The following UPP2 variants were observed in gnomAD, a reference collection of about 807,000 sequenced individuals.
UPP2 encodes UPase 2.
UPP2 carries 23 observed loss-of-function variants against 26.7 expected under a neutral mutation model. The ratio of observed to expected loss-of-function variants is 0.86; its 90% CI spans 0.62 to 1.22. The LOEUF is 1.22. Among genes scored for constraint, UPP2 ranks in the 50% most tolerant of loss-of-function variants. UPP2 has a pLI of 0.00. For missense variants in UPP2, 387 were observed against 396.7 expected (o/e 0.98, Z 0.21); for synonymous variants, 127 against 141.3 (o/e 0.90, Z 0.72).
At chr2:158,033,700 T>C (rs2105158442) in intron 3 of UPP2, among the ~76,000 whole-genome samples, 1 of 152,302 alleles carries the variant, frequency 6.6e-6, no homozygotes, top group Middle Eastern at 3.4e-3. Flanking sequence ...ATTAAAGGGG[T>C]TCCACAAGCC....
At position 158,094,312 on chromosome 2, in the gene UPP2, T is replaced by C. The variant is rs370957049; in HGVS notation, c.148-7728T>C. Among the ~76,000 whole-genome samples, 4 of 152,074 alleles carry C rather than the reference T, an allele frequency of 2.6e-5. No homozygotes were observed. In the South Asian group the frequency reaches 8.3e-4, roughly 31 times the overall value. ...TTTGGGTAGTAACTACACAGGCATCTAATATATCTGTACCTTTATGTTTAA... is the reference window on the plus strand; with the variant it reads ...TTTGGGTAGTAACTACACAGGCATCCAATATATCTGTACCTTTATGTTTAA... On this transcript the variant is annotated intron_variant, in intron 3 of 9. Coordinates refer to the UPP2 transcript ENST00000605860.
At chr2:158,024,928 G>A (rs1340859942) in intron 3 of UPP2, among the ~76,000 whole-genome samples, 2 of 152,176 alleles carry the variant, frequency 1.3e-5, no homozygotes, top group South Asian at 2.1e-4. Flanking sequence ...AGGGCCAGGT[G>A]CAGTGGCTCA....
intron 3 of UPP2, among the ~76,000 whole-genome samples, chr2:158,032,003 G>A (rs937004551): frequency 2.0e-5 from 3 of 152,136 alleles, no homozygotes; most frequent in East Asian, 1.9e-4. Context: ...CCTCTGGGTG[G>A]CAACTTTCAT....
intron 2 of UPP2, among the ~76,000 whole-genome samples, chr2:158,109,909 C>T (rs1360100989): frequency 2.6e-5 from 4 of 151,992 alleles, no homozygotes; most frequent in African/African-American, 4.8e-5. Flanking sequence ...ATAGTTTGAA[C>T]TGAGGAAAAA....
chr2:158,071,550 CAAAAAAAAAAA>C (rs56926948), intron 3 of UPP2, among the ~76,000 whole-genome samples: 6 of 65,472 alleles, frequency 9.2e-5, no homozygotes, highest in African/African-American at 1.8e-4. Context: ...GATTCTGTCT[CAAAAAAAAAAA>C]AAAAAAAAAA....
At chr2:158,034,196 C>T (rs1357389471) in intron 3 of UPP2, among the ~76,000 whole-genome samples, 1 of 152,150 alleles carries the variant, frequency 6.6e-6, no homozygotes, top group African/African-American at 2.4e-5. Flanking sequence ...CATGGTGTTC[C>T]TTCCTGCATG....
At chr2:158,099,832 C>T (rs1358980466), upstream of UPP2, among the ~76,000 whole-genome samples, 1 of 152,170 alleles carries the variant, frequency 6.6e-6, no homozygotes, top group Non-Finnish European at 1.5e-5. Context: ...AGTGTTTTGT[C>T]TCAGGCAAGA....
intron 3 of UPP2, among the ~76,000 whole-genome samples, chr2:158,066,630 C>CTTT (rs3046317): frequency 0.38 from 55,022 of 145,856 alleles, 10,892 homozygotes; most frequent in Non-Finnish European, 0.45. Context: ...ACCATTGATT[C>CTTT]TTTTTTTTTT....
intron 3 of UPP2, among the ~76,000 whole-genome samples, chr2:158,046,884 T>G (rs770305072): frequency 9.9e-5 from 15 of 152,206 alleles, no homozygotes; most frequent in Non-Finnish European, 1.8e-4. Context: ...AATTTTATTT[T>G]TATAACTACT....
intron 3 of UPP2, among the ~76,000 whole-genome samples, chr2:158,068,791 TATATATA>T (rs1682483958): frequency 1.2e-4 from 2 of 16,680 alleles, no homozygotes; most frequent in African/African-American, 4.8e-4. Context: ...TATATATATA[TATATATA>T]TATATTTTTT....
intron 3 of UPP2, among the ~76,000 whole-genome samples, chr2:158,116,573 C>T (rs1683435711): frequency 1.3e-5 from 2 of 152,160 alleles, no homozygotes; most frequent in Admixed American, 6.6e-5. Context: ...AATTCTTCCT[C>T]TCCAGTAGTG....
intron 2 of UPP2, among the ~76,000 whole-genome samples, chr2:158,107,092 A>G (rs543671772): frequency 1.0e-3 from 157 of 152,354 alleles, no homozygotes; most frequent in Non-Finnish European, 1.9e-3. Context: ...ATAAACAGGA[A>G]TCAAATGAAT....
intron 3 of UPP2, among the ~76,000 whole-genome samples, chr2:158,083,547 G>A (rs1460137425): frequency 6.6e-6 from 1 of 151,930 alleles, no homozygotes; most frequent in Non-Finnish European, 1.5e-5. Flanking sequence ...ACACACCAGG[G>A]CCCGTTGGGG....
rs181202470 is a variant in UPP2 at position 158,115,044 on chromosome 2, G to A, written c.181-57G>A. ...AAATAAAAACATTAGAGTTGAAACT[G>A]ACCCGTGGTTCTTATCCCAGTTACT... On this transcript the variant is annotated intron_variant, in intron 2 of 6. Coordinates refer to ENST00000005756, the MANE Select transcript of UPP2 (RefSeq NM_173355.4). The A allele has an allele frequency of 1.6e-3, 2,442 of 1,489,644 alleles. 13 individuals carry two copies. Among genetic ancestry groups the A allele is most frequent in the African/African-American group, 3.3e-3 (234 of 70,912 alleles). The allele number at this position is 1,489,644 out of a possible 1,614,324, so 92.3% of individuals were successfully genotyped here. A position where few individuals can be genotyped will look rare whatever the true frequency, so the allele number is the denominator to read the frequency against.
chr2:158,051,155 A>ATGTGTG, intron 3 of UPP2, among the ~76,000 whole-genome samples: 1 of 94,186 alleles, frequency 1.1e-5, no homozygotes. Context: ...CACTCTAGGA[A>ATGTGTG]TATGTGTGTG....
chr2:158,065,859 G>T, intron 3 of UPP2: 2 of 658,406 alleles, frequency 3.0e-6, no homozygotes, highest in South Asian at 3.2e-5. Flanking sequence ...TCATTGCATT[G>T]CAGGCCTTGG....
chr2:158,016,364 G>A (rs1301631978), intron 3 of UPP2, among the ~76,000 whole-genome samples: 1 of 151,334 alleles, frequency 6.6e-6, no homozygotes, highest in Non-Finnish European at 1.5e-5. Flanking sequence ...TTTTGAGACA[G>A]AATTTCGCTC....
intron 3 of UPP2, among the ~76,000 whole-genome samples, chr2:158,057,221 ACT>A (rs1369130554): frequency 6.6e-6 from 1 of 151,978 alleles, no homozygotes; most frequent in Non-Finnish European, 1.5e-5. Flanking sequence ...CTGTAAAGTT[ACT>A]CTTTTTTCTC....
At position 158,121,504 on chromosome 2, in the gene UPP2, C is replaced by A. The variant is rs766435350; in HGVS notation, c.550C>A (p.Arg184=). The A allele has an allele frequency of 1.2e-6, 2 of 1,613,350 alleles. No homozygotes were observed. Among genetic ancestry groups the A allele is most frequent in the East Asian group, 4.5e-5 (2 of 44,854 alleles). The change falls in exon 5 of 7, where the codon CGA becomes AGA. Residue 184 remains arginine, a synonymous_variant. Transcript: ENST00000005756. ...EQVILDNIVT[R]STELDKELSE... Reference sequence around the variant, plus strand: ...GGTCATTTTGGACAACATTGTCACCCGAAGTACTGAACTGGACAAAGAACT... The same window carrying A: ...GGTCATTTTGGACAACATTGTCACCAGAAGTACTGAACTGGACAAAGAACT...
Sources: gnomAD v4.1 joint callset for allele counts (sites outside exome capture counted in the v4.1 genomes callset) on GRCh38, gnomAD v4.1.1 for gene constraint, MANE v1.5 for transcripts, NCBI Gene and HGNC (gene_info 2026-07-23, HGNC 2026-07-21) for gene names.